PPFIA2: variants seen among roughly 807,000 people sequenced by gnomAD.
PPFIA2 encodes PPFI scaffold protein A2.
Under a neutral mutation model 175.5 loss-of-function variants are expected in PPFIA2, and 46 were observed. The observed-to-expected ratio is 0.26, with a 90% confidence interval of 0.21 to 0.34. The LOEUF is 0.34. Ranked by LOEUF, PPFIA2 falls within the 10% of genes least tolerant of loss-of-function variation. The pLI is 1.00. For missense variants in PPFIA2, 1,179 were observed against 1,506.1 expected, an observed-to-expected ratio of 0.78 and a Z score of 3.60; for synonymous variants, 568 against 511.4, an observed-to-expected ratio of 1.11 and a Z score of -1.49.
chr12:81,584,432 G>C (rs1445457624), intron 4 of PPFIA2, among the ~76,000 whole-genome samples: 1 of 151,706 alleles, frequency 6.6e-6, no homozygotes, highest in Non-Finnish European at 1.5e-5. Flanking sequence ...TATAACCTCA[G>C]AGCTGGATCA....
intron 7 of PPFIA2, among the ~76,000 whole-genome samples, chr12:81,410,252 A>C (rs1461543157): frequency 6.6e-6 from 1 of 152,178 alleles, no homozygotes; most frequent in African/African-American, 2.4e-5. Flanking sequence ...CAAATGGACT[A>C]AGAAGTAAGA....
At chr12:81,714,856 T>G (rs2153620645) in intron 3 of PPFIA2, among the ~76,000 whole-genome samples, 1 of 151,352 alleles carries the variant, frequency 6.6e-6, no homozygotes, top group South Asian at 2.1e-4. Context: ...AGGGTATTCT[T>G]TTATGCAAAT....
intron 8 of PPFIA2, among the ~76,000 whole-genome samples, chr12:81,390,955 T>A (rs960400550): frequency 4.6e-5 from 7 of 151,902 alleles, no homozygotes; most frequent in African/African-American, 1.7e-4. Context: ...TATGTTAAAT[T>A]TTAAAATATA....
intron 3 of PPFIA2, among the ~76,000 whole-genome samples, chr12:81,708,245 G>A (rs1490396358): frequency 1.3e-5 from 2 of 151,876 alleles, no homozygotes; most frequent in Non-Finnish European, 2.9e-5. Context: ...AATATACATT[G>A]TGTTTATTTT....
At chr12:81,380,253 C>T (rs2141878763) in intron 9 of PPFIA2, among the ~76,000 whole-genome samples, 1 of 152,234 alleles carries the variant, frequency 6.6e-6, no homozygotes, top group Middle Eastern at 3.4e-3. Context: ...GTAGTCTTAG[C>T]TACTCCAAAG....
intron 4 of PPFIA2, among the ~76,000 whole-genome samples, chr12:81,478,126 G>A (rs2057720748): frequency 6.6e-6 from 1 of 151,954 alleles, no homozygotes; most frequent in Non-Finnish European, 1.5e-5. Context: ...CTTCTTCTTA[G>A]GTTAGTCTTC....
chr12:81,588,799 C>T (rs1488213961), intron 4 of PPFIA2, among the ~76,000 whole-genome samples: 1 of 151,994 alleles, frequency 6.6e-6, no homozygotes, highest in Non-Finnish European at 1.5e-5. Context: ...CCACTGAAAC[C>T]ACTGTTTCAG....
intron 4 of PPFIA2, among the ~76,000 whole-genome samples, chr12:81,603,951 G>A (rs970235233): frequency 1.3e-5 from 2 of 151,014 alleles, no homozygotes; most frequent in Admixed American, 6.6e-5. Context: ...ATTACCAAAT[G>A]CCTTAAATTT....
At position 81,746,567 on chromosome 12, in the gene PPFIA2, G is replaced by A. The variant is rs1019657396; in HGVS notation, c.249+7406C>T. Among the ~76,000 whole-genome samples the A allele has an allele frequency of 2.5e-4, 36 of 144,120 alleles. 1 individual carries two copies. The highest frequency in any genetic ancestry group is 8.5e-4 in the African/African-American group (35 of 41,042). The allele number at this position is 144,120 out of a possible 152,430, so 94.5% of individuals were successfully genotyped here. On this transcript the variant is annotated intron_variant, in intron 3 of 32. Coordinates refer to ENST00000549396, the MANE Select transcript of PPFIA2 (RefSeq NM_003625.5). ...GAAAAAATAAGTTGAAAACTAAAGG[G>A]AAACACAGAGTCAAGGGACTTTTTT...
chr12:81,371,182 T>G (rs1268031875), intron 11 of PPFIA2, among the ~76,000 whole-genome samples: 1 of 151,762 alleles, frequency 6.6e-6, no homozygotes, highest in African/African-American at 2.4e-5. Context: ...ATTCCTTTCC[T>G]CCAAGTCGTC....
chr12:81,450,230 G>A (rs1419870509), intron 5 of PPFIA2, among the ~76,000 whole-genome samples: 2 of 152,160 alleles, frequency 1.3e-5, no homozygotes, highest in Admixed American at 1.3e-4. Flanking sequence ...CTTCCACAAC[G>A]GTTGAACTAG....
intron 4 of PPFIA2, among the ~76,000 whole-genome samples, chr12:81,529,672 A>G (rs528221940): frequency 1.3e-5 from 2 of 151,996 alleles, no homozygotes; most frequent in South Asian, 2.1e-4. Context: ...GCCTTTAAAA[A>G]TTGTAATTTT....
chr12:81,263,220 A>C lies in PPFIA2; in HGVS notation c.3715+11T>G, dbSNP rs1245895131. ...TTTTGCTTGATAAGCAGCAATGCAA[A>C]ACTACTGTACCATCTGTTGTCATTT... is the stretch of plus-strand genomic sequence containing the variant. On this transcript the variant is annotated intron_variant, in intron 31 of 32. Transcript: ENST00000549396. 13 of 1,590,596 alleles carry C rather than the reference A, an allele frequency of 8.2e-6. No homozygotes were observed. The highest frequency in any genetic ancestry group is 1.1e-5 in the Non-Finnish European group (13 of 1,164,600).
At chr12:81,671,276 A>G (rs2071359295) in intron 4 of PPFIA2, among the ~76,000 whole-genome samples, 1 of 151,804 alleles carries the variant, frequency 6.6e-6, no homozygotes, top group Non-Finnish European at 1.5e-5. Context: ...ACAACCACCT[A>G]TTCTTGTATG....
chr12:81,462,587 T>TATATATATATATATATATAC (rs1566933587), intron 4 of PPFIA2, among the ~76,000 whole-genome samples: 2 of 77,530 alleles, frequency 2.6e-5, no homozygotes, highest in African/African-American at 8.1e-5. Context: ...TATATATACA[T>TATATATATATATATATATAC]ATATATATAT....
At chr12:81,674,082 CA>C (rs2071967561) in intron 4 of PPFIA2, among the ~76,000 whole-genome samples, 1 of 151,978 alleles carries the variant, frequency 6.6e-6, no homozygotes, top group Non-Finnish European at 1.5e-5. Context: ...TTTGAAATAA[CA>C]AACTTCACTC....
chr12:81,369,505 C>T (rs2034514866), intron 11 of PPFIA2: 2 of 1,017,426 alleles, frequency 2.0e-6, no homozygotes, highest in East Asian at 1.1e-4. Context: ...TCCTGAAGCA[C>T]TGAACTGCAC....
At position 81,259,029 on chromosome 12, in the gene PPFIA2, T is replaced by G. The variant is rs2034544945; in HGVS notation, c.*665A>C. On this transcript the variant is annotated 3_prime_UTR_variant, in exon 33 of 33. Coordinates refer to ENST00000549396, the MANE Select transcript of PPFIA2 (RefSeq NM_003625.5). ...TCTAAAGATATAGGACATCCCTGATTGCCTTTAAAGCTCTATTTTTGGCTC... is the reference window on the plus strand; with the variant it reads ...TCTAAAGATATAGGACATCCCTGATGGCCTTTAAAGCTCTATTTTTGGCTC... The G allele has an allele frequency of 6.3e-6, 1 of 159,910 alleles. No individual in the cohort carries two copies. The highest frequency in any genetic ancestry group is 2.4e-5 in the African/African-American group (1 of 41,512). 9.9% of individuals were successfully genotyped at this position (159,910 alleles called of 1,614,324 possible).
chr12:81,711,373 G>A (rs1339456074), intron 3 of PPFIA2, among the ~76,000 whole-genome samples: 8 of 151,138 alleles, frequency 5.3e-5, no homozygotes, highest in African/African-American at 1.7e-4. Flanking sequence ...CACATCCACC[G>A]TTTAACCCAC....
Sources: allele counts gnomAD v4.1 joint callset (sites outside exome capture counted in the v4.1 genomes callset), GRCh38; gene constraint gnomAD v4.1.1; transcripts MANE v1.5; gene names NCBI Gene and HGNC (gene_info 2026-07-23, HGNC 2026-07-21).